Variants in ACTN2 observed in about 807,000 individuals in gnomAD.
The protein encoded by ACTN2 is alpha-actinin-2.
A neutral mutation model predicts 113.8 loss-of-function variants in ACTN2; 39 were observed. The ratio of observed to expected loss-of-function variants is 0.34; its 90% CI spans 0.27 to 0.45. The LOEUF (loss-of-function observed/expected upper bound fraction) is 0.45, where lower values mean the gene tolerates loss of function less well. Ranked by LOEUF, ACTN2 falls within the 20% of genes least tolerant of loss-of-function variation. The probability of loss-of-function intolerance (pLI) is 1.00; values close to 1 mark genes in which losing one functional copy is unlikely to be tolerated. For missense variants in ACTN2, 992 were observed against 1,177.9 expected (o/e 0.84, Z 2.31); for synonymous variants, 429 against 444.1 (o/e 0.97, Z 0.43).
intron 1 of ACTN2, among the ~76,000 whole-genome samples, chr1:236,712,069 A>G (rs1230444663): frequency 6.6e-6 from 1 of 152,206 alleles, no homozygotes; most frequent in Non-Finnish European, 1.5e-5. Context: ...TTAGTTCTCT[A>G]AGGTTTAGTT....
chr1:236,757,556 T>C lies in ACTN2; in HGVS notation c.2225T>C (p.Ile742Thr), dbSNP rs1221879397. The C allele has an allele frequency of 6.2e-7, 1 of 1,614,180 alleles. No individual in the cohort carries two copies. The highest frequency in any genetic ancestry group is 1.3e-5 in the African/African-American group (1 of 75,036). ...ACCATCAATGAGGTGGAGACTCAGA[T>C]CCTGACGAGAGATGCGAAGGGCATC... is the stretch of plus-strand genomic sequence containing the variant. The part of the protein sequence containing the change: ...ARTINEVETQ[I>T]LTRDAKGITQ... The change falls in exon 18 of 21, where the codon ATC (isoleucine) becomes ACC (threonine). Residue 742 changes from isoleucine (I) to threonine (T), a missense_variant. Physicochemically the swap from Ile to Thr is moderately conservative, Grantham distance 89. Coordinates refer to ENST00000366578, the MANE Select transcript of ACTN2 (RefSeq NM_001103.4).
chr1:236,739,233 T>C, intron 9 of ACTN2, 69 bp from the exon 10 acceptor site: 16 of 352,864 alleles, frequency 4.5e-5, no homozygotes, highest in Non-Finnish European at 7.0e-5. Flanking sequence ...GGATGCCTCA[T>C]TTTTTTTTTT....
chr1:236,740,611 C>A (rs1438105314), intron 10 of ACTN2, among the ~76,000 whole-genome samples: 1 of 151,872 alleles, frequency 6.6e-6, no homozygotes, highest in Non-Finnish European at 1.5e-5. Flanking sequence ...CGGCTCACTG[C>A]AACCTCTGCC....
chr1:236,737,273 AG>A, intron 9 of ACTN2, 59 bp downstream of exon 9: 1 of 1,042,708 alleles, frequency 9.6e-7, no homozygotes, highest in Non-Finnish European at 1.4e-6. Context: ...TGAGGCACAG[AG>A]GGTGAAAAAA....
rs771923322 is a variant in ACTN2 at position 236,739,524 on chromosome 1, A to G, written c.1099A>G (p.Met367Val). 9.3e-6 allele frequency: 15 copies of G among 1,613,904 alleles called. No homozygotes were observed. The Admixed American group carries it at 2.3e-4, about 25-fold the overall frequency. ...RPAFMPSEGK[M>V]VSDIAGAWQR... Reference sequence around the variant, plus strand: ...TGCCTTCATGCCCTCCGAGGGCAAGATGGTGTCGGTGAGTAGCAAGCGCCA... The same window carrying G: ...TGCCTTCATGCCCTCCGAGGGCAAGGTGGTGTCGGTGAGTAGCAAGCGCCA... The change falls in exon 10 of 21, where the codon ATG becomes GTG. Residue 367 changes from methionine to valine, a missense_variant. Around this residue, in one of 3 missense-constraint regions of ACTN2, gnomAD observed 736 missense variants for 815.4 expected, o/e 0.90. Coordinates refer to ENST00000366578, the MANE Select transcript of ACTN2 (RefSeq NM_001103.4).
chr1:236,717,563 G>T (rs1173038219), intron 1 of ACTN2, among the ~76,000 whole-genome samples: 1 of 152,188 alleles, frequency 6.6e-6, no homozygotes, highest in African/African-American at 2.4e-5. Flanking sequence ...AAGTAAAAGG[G>T]TTTCAAAAGG....
Position 236,739,473 on chromosome 1 carries a change from A to T in ACTN2, c.1048A>T (p.Thr350Ser). The change falls in exon 10 of 21, where the codon ACC becomes TCC. Residue 350 changes from threonine (T) to serine (S), a missense_variant. Thr to Ser is a moderately conservative substitution (Grantham distance 58). Coordinates refer to ENST00000366578, the MANE Select transcript of ACTN2 (RefSeq NM_001103.4). ...GGAGATCAACTTCAACACGCTGCAG[A>T]CCAAGCTGCGGATCAGCAACCGTCC... ...QLEINFNTLQ[T>S]KLRISNRPAF... The T allele has an allele frequency of 6.2e-7, 1 of 1,614,142 alleles. No individual in the cohort carries two copies. The highest frequency in any genetic ancestry group is 8.5e-7 in the Non-Finnish European group (1 of 1,180,012).
intron 1 of ACTN2, among the ~76,000 whole-genome samples, chr1:236,694,853 C>A (rs1478750404): frequency 6.6e-6 from 1 of 151,944 alleles, no homozygotes; most frequent in East Asian, 1.9e-4. Context: ...TCTCTTGAGG[C>A]TAGGAGTTAG....
At chr1:236,751,182 G>T (rs1485460320) in intron 14 of ACTN2, among the ~76,000 whole-genome samples, 2 of 151,000 alleles carry the variant, frequency 1.3e-5, no homozygotes, top group East Asian at 3.9e-4. Context: ...AATAGCTGGT[G>T]ATCAAAATCA....
intron 1 of ACTN2, among the ~76,000 whole-genome samples, chr1:236,693,821 AT>A (rs1405460424): frequency 2.0e-5 from 3 of 151,870 alleles, no homozygotes; most frequent in Non-Finnish European, 4.4e-5. Context: ...TGGTTGTGAT[AT>A]TTTCCTGATT....
At chr1:236,737,053 C>T (rs775209956) in intron 8 of ACTN2, 69 bp from the exon 9 acceptor site, 2 of 1,351,124 alleles carry the variant, frequency 1.5e-6, no homozygotes, top group East Asian at 2.4e-5. Context: ...TCATCACCCA[C>T]CTCGTTCCAT....
chr1:236,747,868 T>G, intron 13 of ACTN2, 93 bp downstream of exon 13: 1 of 1,012,340 alleles, frequency 9.9e-7, no homozygotes, highest in Non-Finnish European at 1.5e-6. Context: ...CTCTGTGGCA[T>G]GAAACAGGTT....
rs372838215 is a variant in ACTN2 at position 236,739,916 on chromosome 1, T to C, written c.1107+384T>C. ...AGTCTGAGTCCTCCATTTATCTCCC[T>C]CTCTTCCACATTGTCACTTTCTCCC... On this transcript the variant is annotated intron_variant, in intron 10 of 20. Transcript: ENST00000366578. Among the ~76,000 whole-genome samples the C allele has an allele frequency of 3.5e-4, 53 of 152,134 alleles. 5 individuals carry two copies. The highest frequency in any genetic ancestry group is 2.7e-3 in the East Asian group (14 of 5,156).
In ACTN2 at chr1:236,760,881, C is replaced by T; in HGVS notation, c.2368-134C>T. ...CCTTAAGGGGAATCTTGTCCAAAGA[C>T]TGAAGGGAAACGCAGGTAATAATTC... On this transcript the variant is annotated intron_variant, in intron 19 of 20. Transcript: ENST00000366578. 3.4e-6 allele frequency: 4 copies of T among 1,167,166 alleles called. No homozygotes were observed. The South Asian group carries it at 5.1e-5, about 15-fold the overall frequency. 72.3% of individuals were successfully genotyped at this position (1,167,166 alleles called of 1,614,324 possible). A position where few individuals can be genotyped will look rare whatever the true frequency, so the allele number is the denominator to read the frequency against.
chr1:236,709,040 T>G (rs1657918030), intron 1 of ACTN2, among the ~76,000 whole-genome samples: 1 of 151,604 alleles, frequency 6.6e-6, no homozygotes, highest in African/African-American at 2.4e-5. Context: ...GTGATGGCTG[T>G]AAATAGAAAA....
At chr1:236,716,539 T>A (rs1658218080) in intron 1 of ACTN2, among the ~76,000 whole-genome samples, 1 of 152,206 alleles carries the variant, frequency 6.6e-6, no homozygotes, top group Non-Finnish European at 1.5e-5. Context: ...TTTGCCCTAG[T>A]AATTTGTTAA....
intron 13 of ACTN2, 96 bp from the exon 14 acceptor site, chr1:236,749,028 A>G: frequency 7.5e-7 from 1 of 1,336,762 alleles, no homozygotes. Flanking sequence ...TTAACAGAAT[A>G]TCAGAGAATA....
chr1:236,758,028 C>T (rs1202923157), intron 18 of ACTN2, among the ~76,000 whole-genome samples: 1 of 152,108 alleles, frequency 6.6e-6, no homozygotes, highest in Non-Finnish European at 1.5e-5. Flanking sequence ...CATAATTTAA[C>T]CCATTCTTTC....
rs1376810575 is a variant in ACTN2 at position 236,686,700 on chromosome 1, G to A, written c.27G>A (p.Gln9=). 2 of 1,568,128 alleles carry A rather than the reference G, an allele frequency of 1.3e-6. No individual in the cohort carries two copies. Among genetic ancestry groups the A allele is most frequent in the East Asian group, 2.5e-5 (1 of 39,650 alleles). The change falls in exon 1 of 21, where the codon CAG becomes CAA. Residue 9 remains glutamine (Q), a synonymous_variant. Transcript: ENST00000366578. Reference sequence around the variant, plus strand: ...TGAACCAGATAGAGCCCGGCGTGCAGTACAACTACGTGTACGACGAGGATG... The same window carrying A: ...TGAACCAGATAGAGCCCGGCGTGCAATACAACTACGTGTACGACGAGGATG... MNQIEPGV[Q]YNYVYDEDEY... is the part of the protein sequence containing the mutation.
Sources: allele counts gnomAD v4.1 joint callset (sites outside exome capture counted in the v4.1 genomes callset), GRCh38; gene constraint gnomAD v4.1.1; regional missense constraint gnomAD v4.1.1; transcripts MANE v1.5; gene names NCBI Gene and HGNC (gene_info 2026-07-23, HGNC 2026-07-21).